Variants in HYDIN observed in about 807,000 individuals in gnomAD.
HYDIN encodes axonemal central pair apparatus protein HYDIN.
Under a neutral mutation model 403.9 loss-of-function variants are expected in HYDIN, and 132 were observed. The ratio of observed to expected loss-of-function variants is 0.33; its 90% CI spans 0.28 to 0.38. The LOEUF (loss-of-function observed/expected upper bound fraction) is 0.38, where lower values mean the gene tolerates loss of function less well. Among genes scored for constraint, HYDIN ranks in the 10% least tolerant of loss-of-function variants. The pLI, the probability that HYDIN is intolerant of heterozygous loss-of-function variation, is 1.00. For synonymous variants in HYDIN, 1,202 were observed against 1,891.7 expected, an observed-to-expected ratio of 0.64 and a Z score of 9.46; for missense variants, 2,827 against 5,009.5, an observed-to-expected ratio of 0.56 and a Z score of 13.15.
At position 70,829,626 on chromosome 16, in the gene HYDIN, T is replaced by C. The variant is rs758924734; in HGVS notation, c.14104A>G (p.Lys4702Glu). The C allele has an allele frequency of 8.7e-6, 14 of 1,612,796 alleles. No homozygotes were observed. Among genetic ancestry groups the C allele is most frequent in the Non-Finnish European group, 1.2e-5 (14 of 1,179,680 alleles). Residue 4702 changes from lysine to glutamate, a missense_variant, in exon 81 of 86, where the codon AAG (lysine) becomes GAG (glutamate). Physicochemically the swap from Lys to Glu is moderately conservative, Grantham distance 56. Transcript: ENST00000393567. ...RPRTMNLENR[K>E]HQGTLFFPLP... ...GGGGGACCTCAGTCTACCTGGTGCT[T>C]GCGGTTCTCCAAGTTCATGGTGCGG...
chr16:70,927,415 CT>C (rs2077187408), intron 45 of HYDIN, among the ~76,000 whole-genome samples: 1 of 140,086 alleles, frequency 7.1e-6, no homozygotes, highest in Admixed American at 7.5e-5. Flanking sequence ...GTTACCACCC[CT>C]TTCAGGGCAA....
chr16:71,185,095 T>C (rs2087082158), intron 2 of HYDIN, 105 bp from the exon 3 acceptor site: 3 of 691,150 alleles, frequency 4.3e-6, no homozygotes, highest in Middle Eastern at 3.4e-4. Context: ...GCTTTCAGGA[T>C]AATTCTGGAA....
chr16:71,198,143 G>A lies in HYDIN; in HGVS notation c.-23-11225C>T, dbSNP rs559003906. 3.9e-5 allele frequency among the ~76,000 whole-genome samples: 6 copies of A among 152,270 alleles called. No homozygotes were observed. The East Asian group carries it at 9.6e-4, about 24-fold the overall frequency. ...ATGAATGGAATCACATATTATGTAC[G>A]TTTTGTGTCTAGATTATTTAACTCT... On this transcript the variant is annotated intron_variant, in intron 1 of 85. Coordinates refer to ENST00000393567, the MANE Select transcript of HYDIN (RefSeq NM_001270974.2).
chr16:70,833,923 C>T lies in HYDIN; in HGVS notation c.13643G>A (p.Arg4548His), dbSNP rs1220556036. ...PVVYQTQATR[R>H]ILMMNTGDVG... ...ATCGCCTGTGTTCATCATGAGGATG[C>T]GACGTGTGGCTTGCGTCTGATACAC... The change falls in exon 79 of 86, where the codon CGC (arginine) becomes CAC (histidine). Residue 4548 changes from arginine (R) to histidine (H), a missense_variant. By Grantham distance (29) the Arg-to-His change is conservative. Transcript: ENST00000393567. 1.4e-5 allele frequency: 22 copies of T among 1,613,400 alleles called. No individual in the cohort carries two copies. Among genetic ancestry groups the T allele is most frequent in the Non-Finnish European group, 1.7e-5 (20 of 1,179,800 alleles).
At chr16:71,004,121 C>A (rs2079813143) in intron 23 of HYDIN, among the ~76,000 whole-genome samples, 1 of 151,762 alleles carries the variant, frequency 6.6e-6, no homozygotes. Flanking sequence ...TCAGGACCAG[C>A]CTGACCAACA....
intron 23 of HYDIN, among the ~76,000 whole-genome samples, chr16:71,007,559 C>T (rs562287589): frequency 9.3e-5 from 14 of 151,316 alleles, no homozygotes; most frequent in Middle Eastern, 3.4e-3. Context: ...TATGAAAAAA[C>T]GTTCATTGTC....
chr16:70,916,312 G>T (rs1413220099), intron 47 of HYDIN, among the ~76,000 whole-genome samples: 1 of 152,216 alleles, frequency 6.6e-6, no homozygotes, highest in Non-Finnish European at 1.5e-5. Flanking sequence ...AGCTCCCAGG[G>T]CCTTTCCTGC....
rs2035118740 is a variant in HYDIN at position 70,806,610 on chromosome 16, C to G, written c.*970G>C. ...TTAAGACCCACTTCTTTACGGCATT[C>G]ATTCCCAAGAGGCCATCTTCTTCCA... On this transcript the variant is annotated 3_prime_UTR_variant, in exon 86 of 86. Transcript: ENST00000393567. 6.6e-6 allele frequency among the ~76,000 whole-genome samples: 1 copy of G among 152,194 alleles called. No homozygotes were observed. Among genetic ancestry groups the G allele is most frequent in the Admixed American group, 6.5e-5 (1 of 15,276 alleles).
chr16:70,836,335 G>A (rs1262724535), intron 77 of HYDIN, among the ~76,000 whole-genome samples: 2 of 152,210 alleles, frequency 1.3e-5, no homozygotes, highest in African/African-American at 4.8e-5. Context: ...GCCAGGTCTT[G>A]CAAGGCCTTT....
chr16:70,889,756 T>C (rs753892009), intron 57 of HYDIN, 52 bp from the exon 58 acceptor site: 9 of 644,300 alleles, frequency 1.4e-5, no homozygotes, highest in African/African-American at 3.8e-5. Context: ...GGGGGTAACA[T>C]TAGACACCAC....
At chr16:71,191,306 T>G (rs765703263) in intron 1 of HYDIN, among the ~76,000 whole-genome samples, 2 of 152,220 alleles carry the variant, frequency 1.3e-5, no homozygotes, top group Non-Finnish European at 2.9e-5. Context: ...ATTATGGGTC[T>G]GATTTTTTGT....
chr16:71,165,013 C>G (rs1251166321), intron 5 of HYDIN, among the ~76,000 whole-genome samples: 1 of 152,078 alleles, frequency 6.6e-6, no homozygotes, highest in Non-Finnish European at 1.5e-5. Flanking sequence ...CCACCTCCAC[C>G]CCCGCCACCC....
intron 4 of HYDIN, 95 bp downstream of exon 4, chr16:71,178,833 A>T: frequency 9.6e-7 from 1 of 1,041,740 alleles, no homozygotes. Flanking sequence ...CTATCAAATT[A>T]AAGAACTTAT....
chr16:71,045,669 A>G (rs1597631408), intron 18 of HYDIN, among the ~76,000 whole-genome samples: 1 of 120,758 alleles, frequency 8.3e-6, no homozygotes, highest in East Asian at 2.3e-4. Context: ...ATAAAAGGAA[A>G]CAGGACAGCT....
chr16:71,050,314 T>G (rs1454908802), intron 18 of HYDIN, among the ~76,000 whole-genome samples: 2 of 148,870 alleles, frequency 1.3e-5, no homozygotes, highest in African/African-American at 4.9e-5. Flanking sequence ...TTCAAAGAGT[T>G]GAAAGAAAAG....
intron 18 of HYDIN, among the ~76,000 whole-genome samples, chr16:71,050,701 C>T (rs1254666171): frequency 6.6e-6 from 1 of 151,980 alleles, no homozygotes; most frequent in Non-Finnish European, 1.5e-5. Context: ...AAGTTTCCTC[C>T]ATGTTTTTTA....
At chr16:70,857,651 T>A (rs374761324) in intron 72 of HYDIN, 54 bp downstream of exon 72, 3 of 1,051,964 alleles carry the variant, frequency 2.9e-6, no homozygotes, top group African/African-American at 1.6e-5. Flanking sequence ...GAGCTCTTGA[T>A]GACCTTGCCC....
chr16:71,153,894 G>A (rs988567632), intron 6 of HYDIN, among the ~76,000 whole-genome samples: 2 of 152,114 alleles, frequency 1.3e-5, no homozygotes, highest in Non-Finnish European at 2.9e-5. Flanking sequence ...GTAACTTAGA[G>A]AGTTCTTCCT....
chr16:70,972,062 T>TA (rs1488581838), intron 35 of HYDIN, among the ~76,000 whole-genome samples: 6 of 151,640 alleles, frequency 4.0e-5, no homozygotes, highest in Non-Finnish European at 8.8e-5. Flanking sequence ...TTTTTTTTTT[T>TA]ACTATATTTC....
Sources: allele counts gnomAD v4.1 joint callset (sites outside exome capture counted in the v4.1 genomes callset), GRCh38; gene constraint gnomAD v4.1.1; transcripts MANE v1.5; gene names NCBI Gene and HGNC (gene_info 2026-07-23, HGNC 2026-07-21).